Variants in RTL4 observed in about 807,000 individuals in gnomAD.
RTL4 encodes retrotransposon Gag-like protein 4.
A neutral mutation model predicts 5.3 loss-of-function variants in RTL4; 4 were observed. That is an observed-to-expected ratio of 0.75 (90% CI 0.37 to 1.72). The LOEUF (loss-of-function observed/expected upper bound fraction) is 1.72, where lower values mean the gene tolerates loss of function less well. Ranked by LOEUF, RTL4 falls within the 40% of genes most tolerant of loss-of-function variation. The pLI, the probability that RTL4 is intolerant of heterozygous loss-of-function variation, is 0.04. For missense variants in RTL4, 260 were observed against 227.1 expected, an observed-to-expected ratio of 1.14 and a Z score of -0.93; for synonymous variants, 98 against 87.3, an observed-to-expected ratio of 1.12 and a Z score of -0.68.
the RTL4 span, among the ~76,000 whole-genome samples, chrX:112,183,746 T>C: frequency 1.2e-3 from 130 of 111,998 alleles, 6 homozygotes; most frequent in Non-Finnish European, 7.7e-4. Flanking sequence ...CAAACCACCA[T>C]GGCACATGTA....
chrX:112,381,468 A>C, the RTL4 span: 1 of 1,207,540 alleles, frequency 8.3e-7, no homozygotes, highest in Non-Finnish European at 1.1e-6. Flanking sequence ...AGGGAGCTAC[A>C]CCGAGAAAAG....
chrX:112,098,621 G>T, the RTL4 span, among the ~76,000 whole-genome samples: 1 of 111,247 alleles, frequency 9.0e-6, no homozygotes, highest in Admixed American at 9.5e-5. Flanking sequence ...TCCAGCACCT[G>T]TTGTTTCCTG....
At chrX:112,281,527 T>TA in the RTL4 span, among the ~76,000 whole-genome samples, 1 of 111,377 alleles carries the variant, frequency 9.0e-6, no homozygotes, top group Non-Finnish European at 1.9e-5. Flanking sequence ...TTTTGGATGA[T>TA]ACAGGAATTC....
At chrX:112,449,927 C>G (rs1324473225), upstream of RTL4, among the ~76,000 whole-genome samples, 2 of 112,207 alleles carry the variant, frequency 1.8e-5, no homozygotes, top group Non-Finnish European at 3.8e-5. Flanking sequence ...TAGGCCCACA[C>G]TGAGGTCTCC....
chrX:112,147,916 T>C, the RTL4 span, among the ~76,000 whole-genome samples: 1 of 111,715 alleles, frequency 9.0e-6, no homozygotes, highest in Non-Finnish European at 1.9e-5. Flanking sequence ...TCCCCCTCTC[T>C]ATGTGTTCCC....
At chrX:112,174,238 C>A in the RTL4 span, among the ~76,000 whole-genome samples, 2 of 69,626 alleles carry the variant, frequency 2.9e-5, no homozygotes. Flanking sequence ...CCCCTCCCCC[C>A]ACCCCACAAC....
chrX:112,432,828 T>A, the RTL4 span, among the ~76,000 whole-genome samples: 1 of 111,158 alleles, frequency 9.0e-6, no homozygotes, highest in Admixed American at 9.6e-5. Flanking sequence ...CTGAATGATA[T>A]TGCCTAGGTT....
the RTL4 span, among the ~76,000 whole-genome samples, chrX:112,239,781 A>G: frequency 9.0e-6 from 1 of 111,722 alleles, no homozygotes; most frequent in Non-Finnish European, 1.9e-5. Flanking sequence ...ATTAACAGGC[A>G]CACACAGAAA....
chrX:112,121,105 A>G, the RTL4 span, among the ~76,000 whole-genome samples: 1 of 112,121 alleles, frequency 8.9e-6, no homozygotes, highest in Non-Finnish European at 1.9e-5. Flanking sequence ...GTTTACCTAT[A>G]TAACAAACCT....
chrX:112,299,157 T>C, the RTL4 span, among the ~76,000 whole-genome samples: 2 of 111,565 alleles, frequency 1.8e-5, no homozygotes, highest in Non-Finnish European at 3.8e-5. Flanking sequence ...TGACGTGCCC[T>C]GAGTGGGTTG....
At chrX:112,316,487 T>A in the RTL4 span, among the ~76,000 whole-genome samples, 4 of 111,628 alleles carry the variant, frequency 3.6e-5, no homozygotes, top group Non-Finnish European at 7.5e-5. Flanking sequence ...ATGGGGACAA[T>A]GTTTCCTATT....
the RTL4 span, among the ~76,000 whole-genome samples, chrX:112,388,674 T>C: frequency 1.8e-5 from 2 of 112,344 alleles, no homozygotes; most frequent in Admixed American, 1.9e-4. Context: ...GATAACTCTG[T>C]GGTTTTTGCC....
the RTL4 span, among the ~76,000 whole-genome samples, chrX:112,094,250 G>A: frequency 8.9e-6 from 1 of 111,753 alleles, no homozygotes; most frequent in Non-Finnish European, 1.9e-5. Flanking sequence ...GTGATGGATC[G>A]AATATGGTGG....
chrX:112,173,983 T>C, the RTL4 span, among the ~76,000 whole-genome samples: 1 of 109,738 alleles, frequency 9.1e-6, no homozygotes, highest in African/African-American at 3.3e-5. Context: ...ATCCTAAATA[T>C]ACAATATTGT....
the RTL4 span, among the ~76,000 whole-genome samples, chrX:112,114,341 G>A: frequency 5.4e-5 from 6 of 111,657 alleles, no homozygotes; most frequent in South Asian, 2.3e-3. Context: ...CCTTTCTTTG[G>A]TTATCATTCT....
At chrX:112,454,672 T>C in exon 1 of RTL4, 2 of 1,049,141 alleles carry the variant, frequency 1.9e-6, no homozygotes, top group Non-Finnish European at 2.6e-6. Flanking sequence ...CTGTCTCCAT[T>C]GGTTTCCAGT....
At chrX:112,110,501 ACTGATAGGGT>A in the RTL4 span, among the ~76,000 whole-genome samples, 1 of 111,607 alleles carries the variant, frequency 9.0e-6, no homozygotes, top group Non-Finnish European at 1.9e-5. Flanking sequence ...TCTGAGGGGC[ACTGATAGGGT>A]CTGATTACCA....
At chrX:112,430,534 G>C in the RTL4 span, among the ~76,000 whole-genome samples, 3 of 111,529 alleles carry the variant, frequency 2.7e-5, no homozygotes, top group Non-Finnish European at 5.6e-5. Flanking sequence ...CAACATTACT[G>C]CCATATCTGA....
the RTL4 span, among the ~76,000 whole-genome samples, chrX:112,423,187 C>T: frequency 2.7e-5 from 3 of 110,265 alleles, no homozygotes; most frequent in Non-Finnish European, 5.7e-5. Context: ...CACTCCTTAA[C>T]CATGTGTCTG....
Sources: gnomAD v4.1 joint callset for allele counts (sites outside exome capture counted in the v4.1 genomes callset) on GRCh38, gnomAD v4.1.1 for gene constraint, MANE v1.5 for transcripts, NCBI Gene and HGNC (gene_info 2026-07-23, HGNC 2026-07-21) for gene names.